Variants in IDO2 observed in about 807,000 individuals in gnomAD.
IDO2 encodes the protein indoleamine 2,3-dioxygenase 2, also known as indoleamine 2,3-dioxygenase-like 1 protein.
A neutral mutation model predicts 45.1 loss-of-function variants in IDO2; 46 were observed. The observed-to-expected ratio is 1.02, with a 90% CI of 0.80 to 1.30. The LOEUF (loss-of-function observed/expected upper bound fraction) is 1.30, where lower values mean the gene tolerates loss of function less well. Among genes scored for constraint, IDO2 ranks in the 50% most tolerant of loss-of-function variants. The pLI is 0.00. For missense variants in IDO2, 544 were observed against 491.8 expected, an observed-to-expected ratio of 1.11 and a Z score of -1.00; for synonymous variants, 218 against 184.9, an observed-to-expected ratio of 1.18 and a Z score of -1.45.
chr8:39,962,905 A>C (rs1167964403), intron 2 of IDO2, among the ~76,000 whole-genome samples: 2 of 152,264 alleles, frequency 1.3e-5, no homozygotes, highest in Non-Finnish European at 2.9e-5. Flanking sequence ...TTGATTGGTT[A>C]AAAGGCATTA....
At chr8:39,982,829 C>CT (rs924409813) in intron 5 of IDO2, 59 bp downstream of exon 5, 81 of 1,121,920 alleles carry the variant, frequency 7.2e-5, no homozygotes, top group Middle Eastern at 4.1e-4. Flanking sequence ...AACACCCAGG[C>CT]TTTTTTTTAT....
intron 1 of IDO2, among the ~76,000 whole-genome samples, chr8:39,936,236 T>C (rs1037805054): frequency 1.3e-5 from 2 of 152,176 alleles, no homozygotes; most frequent in Non-Finnish European, 2.9e-5. Flanking sequence ...TGCATTTTGA[T>C]GAAAAAAATT....
At chr8:40,001,911 A>G (rs1802143860) in intron 8 of IDO2, among the ~76,000 whole-genome samples, 1 of 151,934 alleles carries the variant, frequency 6.6e-6, no homozygotes, top group African/African-American at 2.4e-5. Flanking sequence ...TCAGCCTCCC[A>G]AGTAGCTGTG....
chr8:39,952,553 C>T (rs1238971609), intron 2 of IDO2, among the ~76,000 whole-genome samples: 1 of 152,156 alleles, frequency 6.6e-6, no homozygotes, highest in Admixed American at 6.5e-5. Context: ...TTTCCAAGCT[C>T]CAACATTTAT....
intron 5 of IDO2, chr8:39,984,836 G>T: frequency 5.2e-6 from 2 of 385,254 alleles, no homozygotes; most frequent in South Asian, 3.9e-5. Context: ...TTGATGTAAG[G>T]CAAATCCTAA....
chr8:39,958,017 C>T (rs1808343), intron 2 of IDO2, among the ~76,000 whole-genome samples: 119,443 of 150,938 alleles, frequency 0.79, 48,330 homozygotes, highest in Non-Finnish European at 0.87. Context: ...GCCATTCTCC[C>T]GCCTCAGCCT....
At chr8:39,937,094 C>T (rs779129405) in intron 1 of IDO2, among the ~76,000 whole-genome samples, 54 of 152,194 alleles carry the variant, frequency 3.5e-4, no homozygotes, top group Admixed American at 3.3e-4. Context: ...TTGGGACAAA[C>T]TCCTTTTCTG....
At chr8:39,973,401 C>G (rs1318298186) in intron 3 of IDO2, among the ~76,000 whole-genome samples, 2 of 152,040 alleles carry the variant, frequency 1.3e-5, no homozygotes, top group Admixed American at 1.3e-4. Context: ...GATAAATACC[C>G]TTCTCCAATA....
intron 8 of IDO2, chr8:39,998,025 TCTC>T (rs1802077146): frequency 4.2e-6 from 1 of 236,086 alleles, no homozygotes. Context: ...AGCTCTGACT[TCTC>T]CACCAATTCC....
chr8:39,982,673 C>T (rs780998677), exon 5 of IDO2: 7 of 1,610,158 alleles, frequency 4.3e-6, no homozygotes, highest in African/African-American at 4.0e-5. Context: ...GAATCTTGCC[C>T]TTCCATTTGT....
chr8:40,005,240 A>G (rs1039033400), intron 8 of IDO2, 87 bp from the exon 9 acceptor site: 2 of 767,296 alleles, frequency 2.6e-6, no homozygotes, highest in Non-Finnish European at 4.1e-6. Flanking sequence ...TAGGGAAGGA[A>G]CTCCGGGACA....
intron 3 of IDO2, among the ~76,000 whole-genome samples, chr8:39,970,184 A>T (rs1471093673): frequency 6.6e-6 from 1 of 152,202 alleles, no homozygotes; most frequent in East Asian, 1.9e-4. Flanking sequence ...AATTCTACAA[A>T]GTCTGAGAGG....
chr8:39,949,877 A>G (rs970230296), intron 2 of IDO2, among the ~76,000 whole-genome samples: 6 of 152,194 alleles, frequency 3.9e-5, no homozygotes, highest in Non-Finnish European at 7.3e-5. Context: ...CTTTGTGGCA[A>G]TTTCTGAGAA....
In IDO2 at chr8:39,989,713, A is replaced by C; in HGVS notation, c.550-8A>C. On this transcript the variant is annotated splice_region_variant and splice_polypyrimidine_tract_variant and intron_variant, in intron 7 of 10. Transcript: ENST00000502986. ...CTAATAAGTTGTGTACATGCATCTC[A>C]TCCCTAGGCTCTTGTTCAGGCCACG... The C allele has an allele frequency of 6.4e-7, 1 of 1,564,328 alleles. No homozygotes were observed. The highest frequency in any genetic ancestry group is 8.7e-7 in the Non-Finnish European group (1 of 1,152,126).
At chr8:39,949,398 C>T (rs2129593311) in intron 2 of IDO2, 134 bp downstream of exon 2, 2 of 640,286 alleles carry the variant, frequency 3.1e-6, no homozygotes, top group East Asian at 5.7e-5. Flanking sequence ...AAAGATGCTA[C>T]AAAGAGCATA....
rs527259022 is a variant in IDO2 at position 39,989,768 on chromosome 8, C to T, written c.597C>T (p.Ala199=). ...CTATCTTGCAGCCCAACCAGGAGGC[C>T]CTGCTCCAAGCCCTGCAGCGACTGA... Residue 199 remains alanine, a synonymous_variant, in exon 8 of 11, where the codon GCC becomes GCT. Transcript: ENST00000502986. 19 of 1,604,582 alleles carry T rather than the reference C, an allele frequency of 1.2e-5. No individual in the cohort carries two copies. The Admixed American group carries it at 1.4e-4, about 12-fold the overall frequency.
intron 2 of IDO2, among the ~76,000 whole-genome samples, chr8:39,958,143 G>C (rs971018303): frequency 2.6e-5 from 4 of 151,984 alleles, no homozygotes; most frequent in African/African-American, 9.7e-5. Flanking sequence ...CTGACCTCGT[G>C]ATCTGCCCGC....
intron 6 of IDO2, chr8:39,987,559 C>G: frequency 4.3e-6 from 1 of 233,474 alleles, no homozygotes; most frequent in Non-Finnish European, 8.4e-6. Context: ...TGTGGAGAAT[C>G]AGCTACATCT....
At chr8:39,946,845 G>A (rs989595227) in intron 1 of IDO2, among the ~76,000 whole-genome samples, 2 of 151,548 alleles carry the variant, frequency 1.3e-5, no homozygotes, top group African/African-American at 4.9e-5. Context: ...TTAGTGGTAG[G>A]GTCCCAAAAG....
Sources: gnomAD v4.1 joint callset for allele counts (sites outside exome capture counted in the v4.1 genomes callset) on GRCh38, gnomAD v4.1.1 for gene constraint, MANE v1.5 for transcripts, NCBI Gene and HGNC (gene_info 2026-07-23, HGNC 2026-07-21) for gene names.